Variants in ASPH observed in about 807,000 individuals in gnomAD.
ASPH encodes aspartyl/asparaginyl beta-hydroxylase.
Under a neutral mutation model 118.4 loss-of-function variants are expected in ASPH, and 100 were observed. The observed-to-expected ratio is 0.84, with a 90% confidence interval of 0.72 to 1.00. ASPH has a LOEUF of 1.00. ASPH is among the 50% of genes least tolerant of loss of function. The pLI, the probability that ASPH is intolerant of heterozygous loss-of-function variation, is 0.00. For synonymous variants in ASPH, 315 were observed against 325.6 expected (o/e 0.97, Z 0.35); for missense variants, 920 against 919.5 (o/e 1.00, Z -0.01).
intron 14 of ASPH, among the ~76,000 whole-genome samples, chr8:61,609,858 T>C (rs1254494697): frequency 6.6e-6 from 1 of 152,212 alleles, no homozygotes; most frequent in Non-Finnish European, 1.5e-5. Context: ...AATAAATGAA[T>C]ATATTCAACT....
At chr8:61,567,833 A>C (rs1229116288) in intron 16 of ASPH, among the ~76,000 whole-genome samples, 1 of 152,210 alleles carries the variant, frequency 6.6e-6, no homozygotes, top group Non-Finnish European at 1.5e-5. Context: ...TAACAGCCAT[A>C]AGTGCTGTGG....
intron 24 of ASPH, among the ~76,000 whole-genome samples, chr8:61,507,124 C>A (rs1162445419): frequency 1.3e-5 from 2 of 152,110 alleles, no homozygotes; most frequent in African/African-American, 2.4e-5. Context: ...TTAAGCATTC[C>A]ATTCATTAAA....
intron 13 of ASPH, among the ~76,000 whole-genome samples, chr8:61,629,637 A>G (rs1854646203): frequency 6.6e-6 from 1 of 152,250 alleles, no homozygotes; most frequent in African/African-American, 2.4e-5. Context: ...AGAAGGCAGA[A>G]TGCAAACTAC....
At chr8:61,561,068 AAGGGAGAGAGGGAGGGAGGGAGGG>A (rs1292006295) in intron 18 of ASPH, among the ~76,000 whole-genome samples, 1,086 of 102,354 alleles carry the variant, frequency 0.011, 49 homozygotes, top group African/African-American at 0.022. Flanking sequence ...GGAACGAAGG[AAGGGAGAGAGGGAGGGAGGGAGGG>A]AGGGAGAGAG....
chr8:61,505,261 TGAG>T (rs1177268372), intron 24 of ASPH, among the ~76,000 whole-genome samples: 2 of 152,096 alleles, frequency 1.3e-5, no homozygotes, highest in Admixed American at 6.5e-5. Context: ...TTTGGGAGGC[TGAG>T]GACAGTGGAT....
chr8:61,664,382 C>G, intron 3 of ASPH: 1 of 975,608 alleles, frequency 1.0e-6, no homozygotes, highest in Non-Finnish European at 1.2e-6. Flanking sequence ...TAATTAAAAC[C>G]TTTCTATAGT....
chr8:61,710,009 A>G (rs1367702177), intron 1 of ASPH, among the ~76,000 whole-genome samples: 24 of 152,200 alleles, frequency 1.6e-4, no homozygotes, highest in Admixed American at 1.6e-3. Context: ...ATAAATCATC[A>G]AAAAAGTCAA....
chr8:61,615,054 T>C (rs1848593618), intron 14 of ASPH, among the ~76,000 whole-genome samples: 1 of 152,266 alleles, frequency 6.6e-6, no homozygotes, highest in East Asian at 1.9e-4. Context: ...AATCTCCCAA[T>C]GGCCATCTCA....
At chr8:61,608,238 T>G (rs1846175981) in intron 14 of ASPH, among the ~76,000 whole-genome samples, 1 of 152,236 alleles carries the variant, frequency 6.6e-6, no homozygotes, top group Admixed American at 6.5e-5. Context: ...AAAGTAGTCT[T>G]TTAGTCCTGA....
chr8:61,676,301 C>G, intron 3 of ASPH: 1 of 1,585,786 alleles, frequency 6.3e-7, no homozygotes, highest in Non-Finnish European at 8.5e-7. Context: ...ATTTTCATTA[C>G]TGCCATCTTT....
intron 1 of ASPH, among the ~76,000 whole-genome samples, chr8:61,709,721 C>T (rs1320566414): frequency 6.6e-6 from 1 of 152,218 alleles, no homozygotes; most frequent in African/African-American, 2.4e-5. Flanking sequence ...ACAAACTAAG[C>T]TGCATATTTT....
At chr8:61,679,943 A>AATT (rs1412472121) in intron 3 of ASPH, among the ~76,000 whole-genome samples, 3 of 125,456 alleles carry the variant, frequency 2.4e-5, no homozygotes, top group Non-Finnish European at 3.5e-5. Context: ...GGGCAATAAT[A>AATT]AAAAAAAAAA....
chr8:61,563,553 A>T (rs1830674528), intron 17 of ASPH, among the ~76,000 whole-genome samples: 1 of 152,250 alleles, frequency 6.6e-6, no homozygotes, highest in Non-Finnish European at 1.5e-5. Context: ...GCCATGAATT[A>T]TCTAAAGGGC....
chr8:61,670,115 C>CTG, intron 3 of ASPH, among the ~76,000 whole-genome samples: 1 of 151,474 alleles, frequency 6.6e-6, no homozygotes, highest in South Asian at 2.1e-4. Context: ...ATAATTTAAA[C>CTG]AATTATTACA....
At chr8:61,519,674 G>A (rs1327170902) in intron 22 of ASPH, among the ~76,000 whole-genome samples, 1 of 8,222 alleles carries the variant, frequency 1.2e-4, no homozygotes, top group Non-Finnish European at 3.6e-4. Context: ...ATCCTTAAAT[G>A]TGGGAGGAGG....
intron 3 of ASPH, chr8:61,664,198 T>A (rs1232525541): frequency 4.1e-6 from 4 of 969,166 alleles, no homozygotes; most frequent in African/African-American, 1.8e-5. Context: ...TTCACTTTTA[T>A]ATTAAATGTT....
intron 14 of ASPH, among the ~76,000 whole-genome samples, chr8:61,615,943 G>A (rs1346215265): frequency 2.0e-5 from 3 of 151,896 alleles, no homozygotes; most frequent in Admixed American, 1.3e-4. Context: ...CATATGAATC[G>A]ATTTGAATAA....
At position 61,678,625 on chromosome 8, in the gene ASPH, T is replaced by C. The variant is rs570608148; in HGVS notation, c.322+2343A>G. ...CCCAAATTTATAAGATTTAGATATATGCAGATTTAAGAATCTAGAAAAAAA... is the reference window on the plus strand; with the variant it reads ...CCCAAATTTATAAGATTTAGATATACGCAGATTTAAGAATCTAGAAAAAAA... On this transcript the variant is annotated intron_variant, in intron 3 of 24. Transcript: ENST00000379454. Among the ~76,000 whole-genome samples the C allele has an allele frequency of 2.6e-5, 4 of 152,212 alleles. No individual in the cohort carries two copies. The South Asian group carries it at 8.3e-4, about 32-fold the overall frequency.
chr8:61,645,895 T>C (rs1807690559), intron 6 of ASPH, among the ~76,000 whole-genome samples: 1 of 152,192 alleles, frequency 6.6e-6, no homozygotes, highest in Admixed American at 6.5e-5. Flanking sequence ...TTAAAAAGTG[T>C]TTGCTAACTG....
Sources: gnomAD v4.1 joint callset for allele counts (sites outside exome capture counted in the v4.1 genomes callset) on GRCh38, gnomAD v4.1.1 for gene constraint, MANE v1.5 for transcripts, NCBI Gene and HGNC (gene_info 2026-07-23, HGNC 2026-07-21) for gene names.